SPACDR: variants seen among roughly 807,000 people sequenced by gnomAD.
SPACDR encodes the protein sperm acrosome developmental regulator, also known as uncharacterized protein C7orf61.
the SPACDR span, among the ~76,000 whole-genome samples, chr7:100,459,149 G>A: frequency 7.3e-6 from 1 of 137,684 alleles, no homozygotes; most frequent in Non-Finnish European, 1.5e-5. Context: ...TACTACAGGC[G>A]CCTGCCACCA....
chr7:100,457,858 T>TATA, the SPACDR span, among the ~76,000 whole-genome samples: 65 of 81,328 alleles, frequency 8.0e-4, no homozygotes, highest in East Asian at 6.0e-3. Context: ...TATATATATA[T>TATA]TTTTTTTTTT....
the SPACDR span, chr7:100,463,907 C>T: frequency 7.0e-4 from 1,095 of 1,556,466 alleles, no homozygotes; most frequent in South Asian, 1.5e-3. Context: ...GGGGCTGCTG[C>T]GACCCATGCC....
the SPACDR span, among the ~76,000 whole-genome samples, chr7:100,458,922 C>T: frequency 1.3e-5 from 2 of 151,858 alleles, no homozygotes; most frequent in East Asian, 1.9e-4. Flanking sequence ...AGTGAAACTC[C>T]GTCTCAAAAC....
chr7:100,460,664 T>G, the SPACDR span, among the ~76,000 whole-genome samples: 1 of 151,916 alleles, frequency 6.6e-6, no homozygotes, highest in Admixed American at 6.6e-5. Context: ...ATTTTCCTTT[T>G]TTTTTTTTGA....
the SPACDR span, chr7:100,457,003 G>C: frequency 6.3e-7 from 1 of 1,585,144 alleles, no homozygotes; most frequent in Non-Finnish European, 8.6e-7. Context: ...AGAAAGAGAA[G>C]ATGTGCATGC....
At chr7:100,458,345 AAAAAC>A in the SPACDR span, among the ~76,000 whole-genome samples, 1 of 152,024 alleles carries the variant, frequency 6.6e-6, no homozygotes, top group Admixed American at 6.6e-5. Flanking sequence ...ACAAAAACAT[AAAAAC>A]AAAACAAAAC....
the SPACDR span, chr7:100,463,492 TGTAGTCTTGGCCAACACGCAGG>T: frequency 1.2e-6 from 2 of 1,613,942 alleles, no homozygotes; most frequent in Non-Finnish European, 1.7e-6. Flanking sequence ...CGGTCTCCTC[TGTAGTCTTGGCCAACACGCAGG>T]GATCTGCCAG....
chr7:100,462,831 C>T, the SPACDR span, among the ~76,000 whole-genome samples: 4 of 144,024 alleles, frequency 2.8e-5, no homozygotes, highest in Admixed American at 6.8e-5. Flanking sequence ...AAACATTTGC[C>T]GGGCATGGTG....
chr7:100,462,801 C>T, the SPACDR span, among the ~76,000 whole-genome samples: 3 of 147,868 alleles, frequency 2.0e-5, no homozygotes, highest in Non-Finnish European at 4.5e-5. Flanking sequence ...GCATGAGCCA[C>T]CATGCCTGGC....
the SPACDR span, among the ~76,000 whole-genome samples, chr7:100,461,612 C>T: frequency 6.6e-6 from 1 of 151,990 alleles, no homozygotes; most frequent in African/African-American, 2.4e-5. Flanking sequence ...GGACACCCCT[C>T]CCACTCCCTC....
At chr7:100,459,929 A>C in the SPACDR span, among the ~76,000 whole-genome samples, 1 of 150,724 alleles carries the variant, frequency 6.6e-6, no homozygotes, top group Non-Finnish European at 1.5e-5. Flanking sequence ...TCGCTCTGTC[A>C]CCCAGGCTGG....
the SPACDR span, among the ~76,000 whole-genome samples, chr7:100,459,262 G>A: frequency 1.1e-4 from 17 of 150,872 alleles, no homozygotes; most frequent in Admixed American, 2.6e-4. Flanking sequence ...CGCCTGCCTC[G>A]GCCTCCCAAA....
At chr7:100,463,877 G>T in the SPACDR span, 4 of 1,460,706 alleles carry the variant, frequency 2.7e-6, no homozygotes, top group African/African-American at 4.2e-5. Context: ...GGCCAGGAAG[G>T]GAGGGAACCC....
chr7:100,457,799 A>ATGTGTGTGTGTG, the SPACDR span, among the ~76,000 whole-genome samples: 610 of 45,452 alleles, frequency 0.013, 2 homozygotes, highest in Non-Finnish European at 0.017. Flanking sequence ...TTTTATATAT[A>ATGTGTGTGTGTG]TATATGTGTG....
At chr7:100,459,454 A>AT in the SPACDR span, among the ~76,000 whole-genome samples, 5 of 149,562 alleles carry the variant, frequency 3.3e-5, no homozygotes, top group East Asian at 2.0e-4. Context: ...TGCCCAGATA[A>AT]TTTTTTTGTA....
At chr7:100,459,702 C>T in the SPACDR span, among the ~76,000 whole-genome samples, 17 of 152,072 alleles carry the variant, frequency 1.1e-4, no homozygotes, top group South Asian at 2.1e-4. Context: ...TGGGCTCGAG[C>T]GATGCTTCTG....
At chr7:100,457,889 G>T in the SPACDR span, among the ~76,000 whole-genome samples, 5 of 125,726 alleles carry the variant, frequency 4.0e-5, no homozygotes, top group African/African-American at 9.3e-5. Context: ...ATGGGGTTTT[G>T]CCCAGGCTGG....
chr7:100,463,412 G>T, the SPACDR span: 1 of 1,612,806 alleles, frequency 6.2e-7, no homozygotes, highest in South Asian at 1.1e-5. Context: ...GACCATGAGC[G>T]TGGAGACAGA....
the SPACDR span, among the ~76,000 whole-genome samples, chr7:100,457,752 C>T: frequency 1.4e-5 from 2 of 147,226 alleles, no homozygotes; most frequent in Non-Finnish European, 3.0e-5. Flanking sequence ...TCCTGAGTAG[C>T]TGGGACTACA....
Sources: allele counts gnomAD v4.1 joint callset (sites outside exome capture counted in the v4.1 genomes callset), GRCh38; gene constraint gnomAD v4.1.1; transcripts MANE v1.5; gene names NCBI Gene and HGNC (gene_info 2026-07-23, HGNC 2026-07-21).